Variants in HELB observed in about 807,000 individuals in gnomAD.
HELB encodes the protein DNA helicase B.
Under a neutral mutation model 101.7 loss-of-function variants are expected in HELB, and 96 were observed. The ratio of observed to expected loss-of-function variants is 0.94; its 90% CI spans 0.80 to 1.12. HELB has a LOEUF of 1.12. Among genes scored for constraint, HELB ranks in the 50% most tolerant of loss-of-function variants. HELB has a pLI of 0.00. For missense variants in HELB, 1,210 were observed against 1,291.9 expected (o/e 0.94, Z 0.97); for synonymous variants, 437 against 459.7 (o/e 0.95, Z 0.63).
chr12:66,311,157 G>GAAA (rs547349703), intron 4 of HELB, among the ~76,000 whole-genome samples: 4 of 144,920 alleles, frequency 2.8e-5, no homozygotes, highest in African/African-American at 5.1e-5. Flanking sequence ...AAGTCTTATG[G>GAAA]AAAAAAAAAA....
intron 12 of HELB, among the ~76,000 whole-genome samples, chr12:66,332,710 T>C (rs1484257919): frequency 1.3e-5 from 2 of 152,232 alleles, no homozygotes; most frequent in Non-Finnish European, 2.9e-5. Context: ...TATGTATGTA[T>C]AGGAAAAACC....
rs1483902902 is a variant in HELB, at chr12:66,304,899, C to G, written c.356C>G (p.Ser119Ter). The change falls in exon 2 of 13, where the codon TCA becomes TGA. Residue 119 changes from serine to a stop codon, truncating the protein, a stop_gained. Coordinates refer to ENST00000247815, the MANE Select transcript of HELB (RefSeq NM_001370285.1). LOFTEE classifies it high-confidence loss of function. ...FPSYFLQSDM[S>*]PPNQKHICAL... ...TCTTACTTTTTGCAGTCTGATATGT[C>G]ACCACCAAATCAAAAACATATCTGT... The G allele has an allele frequency of 1.2e-6, 2 of 1,614,098 alleles. No homozygotes were observed. The highest frequency in any genetic ancestry group is 2.7e-5 in the African/African-American group (2 of 75,040).
chr12:66,325,927 G>A (rs1442869761), intron 11 of HELB, among the ~76,000 whole-genome samples: 2 of 152,152 alleles, frequency 1.3e-5, no homozygotes, highest in African/African-American at 4.8e-5. Context: ...TGATACTACA[G>A]AGAGTTTTCA....
downstream of HELB, chr12:66,338,321 T>G: frequency 2.5e-6 from 1 of 393,430 alleles, no homozygotes; most frequent in Non-Finnish European, 4.5e-6. Flanking sequence ...GATTAGATAT[T>G]TTATATACAT....
chr12:66,338,649 A>AC (rs796515237), downstream of HELB: 2 of 150,080 alleles, frequency 1.3e-5, no homozygotes, highest in African/African-American at 4.9e-5. Flanking sequence ...CTCCAAAAAA[A>AC]AAACAAACAA....
intron 11 of HELB, among the ~76,000 whole-genome samples, chr12:66,326,534 C>T (rs903200135): frequency 2.0e-5 from 3 of 152,006 alleles, no homozygotes; most frequent in African/African-American, 7.2e-5. Context: ...AGCCACTGCA[C>T]CCGGCCCAAC....
intron 12 of HELB, 46 bp from the exon 13 acceptor site, chr12:66,337,955 C>G: frequency 8.8e-7 from 1 of 1,138,668 alleles, no homozygotes; most frequent in Middle Eastern, 2.6e-4. Context: ...GGTAGACTAA[C>G]TACATTTTTA....
intron 2 of HELB, among the ~76,000 whole-genome samples, chr12:66,306,005 G>A: frequency 1.3e-5 from 2 of 152,210 alleles, no homozygotes; most frequent in Admixed American, 1.3e-4. Flanking sequence ...AGGTTACTAT[G>A]TAAATTATTT....
At position 66,309,930 on chromosome 12, in the gene HELB, T is replaced by G; in HGVS notation, c.1002T>G (p.Ser334=). ...TGTCATTTCATGCTGCTTCAGAGTC[T>G]CTGAAGTTTTTGAAGGATATTGGTG... ...NHMSFHAASE[S]LKFLKDIGVV... The change falls in exon 4 of 13, where the codon TCT becomes TCG. Residue 334 remains serine, a synonymous_variant. Coordinates refer to ENST00000247815, the MANE Select transcript of HELB (RefSeq NM_001370285.1). 10 of 1,614,226 alleles carry G rather than the reference T, an allele frequency of 6.2e-6. No homozygotes were observed. The highest frequency in any genetic ancestry group is 8.5e-6 in the Non-Finnish European group (10 of 1,180,016).
At chr12:66,337,760 A>G (rs1195906393) in intron 12 of HELB, among the ~76,000 whole-genome samples, 2 of 152,182 alleles carry the variant, frequency 1.3e-5, no homozygotes, top group African/African-American at 4.8e-5. Flanking sequence ...CACACATACT[A>G]ATTCAGTACA....
intron 12 of HELB, among the ~76,000 whole-genome samples, chr12:66,336,965 T>C (rs2053872775): frequency 6.6e-6 from 1 of 152,194 alleles, no homozygotes; most frequent in Non-Finnish European, 1.5e-5. Flanking sequence ...ATTATTTCAG[T>C]AACCTGCGTA....
intron 5 of HELB, 23 bp from the exon 6 acceptor site, chr12:66,315,219 T>C: frequency 6.6e-7 from 1 of 1,523,116 alleles, no homozygotes; most frequent in Non-Finnish European, 8.8e-7. Flanking sequence ...TAAGTCTTGC[T>C]ACTGTATCTT....
In HELB at chr12:66,321,992, C is replaced by CA; in HGVS notation, c.2204dup (p.Asn735LysfsTer11). ...AACTTTACTACAAGAAAATAACTTA[C>CA]AAAATGCAAAAACATCACAATTTAT... On this transcript the variant is annotated frameshift_variant, in exon 8 of 13. Coordinates refer to ENST00000247815, the MANE Select transcript of HELB (RefSeq NM_001370285.1). LOFTEE classifies it high-confidence loss of function. 1.7e-6 allele frequency: 2 copies of CA among 1,178,640 alleles called. No homozygotes were observed. Among genetic ancestry groups the CA allele is most frequent in the Non-Finnish European group, 2.5e-6 (2 of 815,092 alleles). 73.0% of individuals were successfully genotyped at this position (1,178,640 alleles called of 1,614,324 possible).
At chr12:66,325,721 A>G (rs1402838632) in intron 11 of HELB, among the ~76,000 whole-genome samples, 6 of 152,146 alleles carry the variant, frequency 3.9e-5, no homozygotes. Flanking sequence ...TCATGTTTCT[A>G]TACTTTTGCA....
chr12:66,323,956 A>T lies in HELB; in HGVS notation c.2298-27A>T, dbSNP rs772303545. 5 of 1,475,022 alleles carry T rather than the reference A, an allele frequency of 3.4e-6. No individual in the cohort carries two copies. The South Asian group carries it at 5.7e-5, about 17-fold the overall frequency. The allele number at this position is 1,475,022 out of a possible 1,614,324, so 91.4% of individuals were successfully genotyped here. The stretch of plus-strand genomic sequence containing the variant: ...TGAAACGGAGACTTTCCAAACTTTG[A>T]TTATATATTATCATTTTCTATCCCA... On this transcript the variant is annotated intron_variant, in intron 9 of 12. Coordinates refer to ENST00000247815, the MANE Select transcript of HELB (RefSeq NM_001370285.1).
chr12:66,302,839 C>G, intron 1 of HELB, 49 bp downstream of exon 1: 1 of 1,498,176 alleles, frequency 6.7e-7, no homozygotes, highest in South Asian at 1.2e-5. Context: ...TCCAAAGTAG[C>G]GCTTCCCATT....
At position 66,310,037 on chromosome 12, in the gene HELB, T is replaced by C; in HGVS notation, c.1109T>C (p.Leu370Pro). The C allele has an allele frequency of 6.2e-7, 1 of 1,614,214 alleles. No homozygotes were observed. Among genetic ancestry groups the C allele is most frequent in the Admixed American group, 1.7e-5 (1 of 60,022 alleles). The change falls in exon 4 of 13, where the codon CTG becomes CCG. Residue 370 changes from leucine to proline, a missense_variant. Physicochemically the swap from Leu to Pro is moderately conservative, Grantham distance 98 (BLOSUM62 -3). Transcript: ENST00000247815. ...ERAIAFSICD[L>P]MKKPPWHLCV... ...GCCATCGCCTTTTCAATTTGTGACC[T>C]GATGAAGAAACCTCCTTGGCATTTA... is the stretch of plus-strand genomic sequence containing the variant.
intron 11 of HELB, among the ~76,000 whole-genome samples, chr12:66,330,128 G>A (rs1207731678): frequency 1.3e-5 from 2 of 152,184 alleles, no homozygotes; most frequent in Non-Finnish European, 2.9e-5. Context: ...AGCAATGGGG[G>A]AGATAATGGT....
At chr12:66,318,885 T>C (rs1036752798) in intron 7 of HELB, 93 bp downstream of exon 7, 5 of 956,154 alleles carry the variant, frequency 5.2e-6, no homozygotes, top group South Asian at 4.9e-5. Context: ...TTTTCTTTAA[T>C]GGTAAAGAGA....
Sources: gnomAD v4.1 joint callset for allele counts (sites outside exome capture counted in the v4.1 genomes callset) on GRCh38, gnomAD v4.1.1 for gene constraint, MANE v1.5 for transcripts, NCBI Gene and HGNC (gene_info 2026-07-23, HGNC 2026-07-21) for gene names.